Variants in INTS3 observed in about 807,000 individuals in gnomAD.
INTS3 encodes the protein integrator complex subunit 3.
In INTS3, 34 loss-of-function variants were observed where a neutral mutation model predicts 146.3. That is an observed-to-expected ratio of 0.23 (90% CI 0.18 to 0.31). The LOEUF (loss-of-function observed/expected upper bound fraction) is 0.31, where lower values mean the gene tolerates loss of function less well. Among genes scored for constraint, INTS3 ranks in the 10% least tolerant of loss-of-function variants. The probability of loss-of-function intolerance (pLI) is 1.00; values close to 1 mark genes in which losing one functional copy is unlikely to be tolerated. For missense variants in INTS3, 757 were observed against 1,304.2 expected (o/e 0.58, Z 6.46); for synonymous variants, 475 against 494.9 (o/e 0.96, Z 0.53).
At chr1:153,738,138 G>A (rs1429039248) in intron 1 of INTS3, among the ~76,000 whole-genome samples, 1 of 152,050 alleles carries the variant, frequency 6.6e-6, no homozygotes, top group Non-Finnish European at 1.5e-5. Flanking sequence ...ATGTTCTGTT[G>A]CCCAGGCTGG....
chr1:153,752,229 T>C (rs758139501), intron 7 of INTS3, 50 bp from the exon 8 acceptor site: 7 of 1,578,344 alleles, frequency 4.4e-6, no homozygotes, highest in Non-Finnish European at 6.1e-6. Flanking sequence ...AGGTAAACAA[T>C]CCATGTTTTT....
Position 153,771,915 on chromosome 1 carries a change from T to C in INTS3, c.2672T>C (p.Ile891Thr). The change falls in exon 26 of 30, where the codon ATC (isoleucine) becomes ACC (threonine). Residue 891 changes from isoleucine to threonine, a missense_variant. Ile to Thr is a moderately conservative substitution (Grantham distance 89). Transcript: ENST00000318967. ...CATGACGAGCTGCTGGCCGAGCACA[T>C]CAAGTCCCTGCTCATCAAGAACAAC... ...MKHDELLAEH[I>T]KSLLIKNNSL... The C allele has an allele frequency of 5.6e-6, 9 of 1,613,898 alleles. No homozygotes were observed. The highest frequency in any genetic ancestry group is 7.6e-6 in the Non-Finnish European group (9 of 1,179,976).
intron 2 of INTS3, among the ~76,000 whole-genome samples, 196 bp from the exon 3 acceptor site, chr1:153,741,089 C>T (rs913475643): frequency 1.3e-5 from 2 of 152,124 alleles, no homozygotes; most frequent in Non-Finnish European, 2.9e-5. Context: ...TACAGGTGTG[C>T]ACCACCACAC....
At chr1:153,742,476 C>CTGTGTGTGTGTGTGTG (rs1161319800) in intron 3 of INTS3, among the ~76,000 whole-genome samples, 11 of 60,250 alleles carry the variant, frequency 1.8e-4, no homozygotes, top group African/African-American at 7.9e-4. Context: ...GTTTTTTAAT[C>CTGTGTGTGTGTGTGTG]TCTGTGTGTG....
intron 3 of INTS3, among the ~76,000 whole-genome samples, chr1:153,743,246 G>A (rs182195460): frequency 1.9e-3 from 284 of 152,310 alleles, no homozygotes; most frequent in Non-Finnish European, 2.9e-3. Flanking sequence ...AAAGCAATGG[G>A]ACTGTTTTCT....
intron 21 of INTS3, among the ~76,000 whole-genome samples, chr1:153,768,481 C>T (rs1054355826): frequency 1.1e-4 from 17 of 152,212 alleles, no homozygotes; most frequent in Non-Finnish European, 1.9e-4. Flanking sequence ...AAACTCTCTA[C>T]ACCACCTCTT....
intron 5 of INTS3, 73 bp downstream of exon 5, chr1:153,747,436 A>C (rs747257651): frequency 1.1e-5 from 12 of 1,136,438 alleles, no homozygotes; most frequent in Middle Eastern, 2.0e-4. Flanking sequence ...ATGGAGAATG[A>C]TTAAGTGCCA....
At position 153,767,661 on chromosome 1, in the gene INTS3, G is replaced by A. The variant is rs745774823; in HGVS notation, c.2091-13G>A. 8 of 1,566,496 alleles carry A rather than the reference G, an allele frequency of 5.1e-6. No individual in the cohort carries two copies. The highest frequency in any genetic ancestry group is 7.0e-6 in the Non-Finnish European group (8 of 1,150,004). On this transcript the variant is annotated splice_polypyrimidine_tract_variant and intron_variant, in intron 20 of 29. Coordinates refer to ENST00000318967, the MANE Select transcript of INTS3 (RefSeq NM_023015.5). ...GGGTCAGGCTGCTGGCTCAGGCCCA[G>A]CTGGTCTTGCAGCAAAGCCGCCGCA...
At chr1:153,765,934 C>T (rs1230916306) in intron 20 of INTS3, among the ~76,000 whole-genome samples, 3 of 152,070 alleles carry the variant, frequency 2.0e-5, no homozygotes, top group African/African-American at 7.2e-5. Flanking sequence ...TTAGAAAGAA[C>T]ATTTTTATCA....
chr1:153,728,615 C>A lies in INTS3; in HGVS notation c.-20C>A, dbSNP rs944263542. The A allele has an allele frequency of 6.3e-7, 1 of 1,594,352 alleles. No homozygotes were observed. Among genetic ancestry groups the A allele is most frequent in the Non-Finnish European group, 8.5e-7 (1 of 1,173,340 alleles). The stretch of plus-strand genomic sequence containing the variant: ...CCATCCATCCACTCCCTGACCTTTT[C>A]CCGGCTCCTGGCTGCAGCCATGGAG... On this transcript the variant is annotated 5_prime_UTR_variant, in exon 1 of 30. Coordinates refer to ENST00000318967, the MANE Select transcript of INTS3 (RefSeq NM_023015.5).
intron 24 of INTS3, 39 bp from the exon 25 acceptor site, chr1:153,770,646 A>T (rs1286349255): frequency 1.9e-6 from 3 of 1,576,914 alleles, no homozygotes; most frequent in Non-Finnish European, 2.6e-6. Context: ...TCCTGGAATC[A>T]TACCTTCCCC....
chr1:153,731,179 A>G (rs1299498367), intron 1 of INTS3, among the ~76,000 whole-genome samples: 1 of 152,104 alleles, frequency 6.6e-6, no homozygotes, highest in East Asian at 1.9e-4. Context: ...ACAAGAAGGT[A>G]AAAAAACAAA....
chr1:153,770,059 GTGTGTGTGTGT>G lies in INTS3; in HGVS notation c.2390-138_2390-128del, dbSNP rs1338707593. 1,781 of 325,808 alleles carry G rather than the reference GTGTGTGTGTGT, an allele frequency of 5.5e-3. 21 individuals are homozygous for G. Among genetic ancestry groups the G allele is most frequent in the South Asian group, 0.015 (489 of 33,496 alleles). The allele number at this position is 325,808 out of a possible 1,614,324, so 20.2% of individuals were successfully genotyped here. A position where few individuals can be genotyped will look rare whatever the true frequency, so the allele number is the denominator to read the frequency against. The stretch of plus-strand genomic sequence containing the variant: ...GGGTGCTGGTAGTCAGTGGATTGGG[GTGTGTGTGTGT>G]GTGTGTGTGTGTGTGTGTGTGTGTG... On this transcript the variant is annotated intron_variant, in intron 23 of 29. Coordinates refer to ENST00000318967, the MANE Select transcript of INTS3 (RefSeq NM_023015.5).
At chr1:153,734,970 T>C (rs572076449) in intron 1 of INTS3, among the ~76,000 whole-genome samples, 20 of 152,234 alleles carry the variant, frequency 1.3e-4, no homozygotes, top group Non-Finnish European at 2.1e-4. Context: ...TGAATAGTTT[T>C]TGTTTTGTTT....
chr1:153,741,362 C>T lies in INTS3; in HGVS notation c.312C>T (p.Ala104=). The T allele has an allele frequency of 6.2e-7, 1 of 1,612,808 alleles. No homozygotes were observed. Among genetic ancestry groups the T allele is most frequent in the Non-Finnish European group, 8.5e-7 (1 of 1,178,850 alleles). The change falls in exon 3 of 30, where the codon GCC becomes GCT. Residue 104 remains alanine, a synonymous_variant. Coordinates refer to ENST00000318967, the MANE Select transcript of INTS3 (RefSeq NM_023015.5). ...TCATCCTCACTGAACCTGCCCAAGCCCAGAAGGTAAGGCACCCTGCTCTGG... is the reference window on the plus strand; with the variant it reads ...TCATCCTCACTGAACCTGCCCAAGCTCAGAAGGTAAGGCACCCTGCTCTGG... ...FTLILTEPAQ[A]QKCYRDLALV...
rs111524623 is a variant in INTS3, at chr1:153,736,905, A to G, written c.151-3746A>G. On this transcript the variant is annotated intron_variant, in intron 1 of 29. Transcript: ENST00000318967. ...CAGCTTCCTGAGTAGCTGGGACTACAGGCGCCTGCCACCATGCCCGGCTAA... is the reference window on the plus strand; with the variant it reads ...CAGCTTCCTGAGTAGCTGGGACTACGGGCGCCTGCCACCATGCCCGGCTAA... Among the ~76,000 whole-genome samples, 406 of 151,644 alleles carry G rather than the reference A, an allele frequency of 2.7e-3. 2 individuals carry two copies. Among genetic ancestry groups the G allele is most frequent in the African/African-American group, 9.5e-3 (393 of 41,312 alleles).
At position 153,762,784 on chromosome 1, in the gene INTS3, G is replaced by A. The variant is rs776048723; in HGVS notation, c.1573G>A (p.Glu525Lys). The A allele has an allele frequency of 1.9e-6, 3 of 1,614,062 alleles. No homozygotes were observed. The highest frequency in any genetic ancestry group is 2.5e-6 in the Non-Finnish European group (3 of 1,180,024). Residue 525 changes from glutamate to lysine, a missense_variant, in exon 15 of 30, where the codon GAG becomes AAG. By Grantham distance (56) the Glu-to-Lys change is moderately conservative. This residue lies in a region of INTS3 where 97 missense variants were observed against 113.6 expected (regional missense o/e 0.85). Coordinates refer to ENST00000318967, the MANE Select transcript of INTS3 (RefSeq NM_023015.5). ...GGACAACCATATGTCGGATAAGGAT[G>A]AGAGTTGCTATGACAATGCAGAGGC... ...EMDNHMSDKD[E>K]SCYDNAEAAF... is the part of the protein sequence containing the mutation.
chr1:153,730,134 C>T (rs1042525293), intron 1 of INTS3, among the ~76,000 whole-genome samples: 22 of 152,160 alleles, frequency 1.4e-4, no homozygotes, highest in African/African-American at 5.3e-4. Context: ...CTTTGTGAAT[C>T]AAGAAGTGGC....
intron 20 of INTS3, 149 bp from the exon 21 acceptor site, chr1:153,767,525 T>C (rs1672638722): frequency 6.0e-6 from 4 of 666,238 alleles, no homozygotes; most frequent in African/African-American, 1.9e-5. Flanking sequence ...ATCAAGCCCC[T>C]GTGGGAGGCA....
Sources: allele counts gnomAD v4.1 joint callset (sites outside exome capture counted in the v4.1 genomes callset), GRCh38; gene constraint gnomAD v4.1.1; regional missense constraint gnomAD v4.1.1; transcripts MANE v1.5; gene names NCBI Gene and HGNC (gene_info 2026-07-23, HGNC 2026-07-21).